Variants in BRD8 observed in about 807,000 individuals in gnomAD.
BRD8 encodes the protein bromodomain containing 8, also known as bromodomain-containing protein 8.
Under a neutral mutation model 143.1 loss-of-function variants are expected in BRD8, and 67 were observed. The ratio of observed to expected loss-of-function variants is 0.47; its 90% CI spans 0.38 to 0.57. The LOEUF is 0.57. BRD8 is among the 20% of genes least tolerant of loss of function. BRD8 has a pLI of 0.00. For missense variants in BRD8, 1,103 were observed against 1,503.0 expected (o/e 0.73, Z 4.40); for synonymous variants, 505 against 517.1 (o/e 0.98, Z 0.32).
At chr5:138,157,376 A>G (rs1028466413) in intron 20 of BRD8, 3 of 1,443,002 alleles carry the variant, frequency 2.1e-6, no homozygotes, top group Non-Finnish European at 2.9e-6. Flanking sequence ...GAAGAGAATC[A>G]GCAGAAAAAT....
intron 8 of BRD8, chr5:138,168,627 AG>A: frequency 6.2e-7 from 1 of 1,604,066 alleles, no homozygotes; most frequent in Non-Finnish European, 8.5e-7. Context: ...GCCTGGAGGA[AG>A]GGTGTCAGGA....
rs1369324301 is a variant in BRD8 at position 138,169,355 on chromosome 5, C to T, written c.509G>A (p.Arg170His). ...RKATDAAYQA[R>H]QAVKTPPRRL... ...CCGGGGGGGTGTTTTTACTGCTTGA[C>T]GAGCTAGAACATAAAAGAGAACAAT... Residue 170 changes from arginine (R) to histidine (H), a missense_variant, in exon 8 of 27, where the codon CGT (arginine) becomes CAT (histidine). Physicochemically the swap from Arg to His is conservative, Grantham distance 29 (BLOSUM62 0). Transcript: ENST00000254900. The T allele has an allele frequency of 5.6e-6, 9 of 1,612,938 alleles. No individual in the cohort carries two copies. The highest frequency in any genetic ancestry group is 3.4e-6 in the Non-Finnish European group (4 of 1,179,684).
At chr5:138,156,769 T>G (rs557894832) in intron 20 of BRD8, 23 of 909,946 alleles carry the variant, frequency 2.5e-5, no homozygotes, top group Non-Finnish European at 3.0e-5. Flanking sequence ...ACTTTTCCCC[T>G]GTAACAATCT....
chr5:138,167,977 T>C lies in BRD8; in HGVS notation c.744A>G (p.Ile248Met), dbSNP rs778063236. The change falls in exon 9 of 27, where the codon ATA (isoleucine) becomes ATG (methionine). Residue 248 changes from isoleucine to methionine, a missense_variant. Ile to Met is a conservative substitution (Grantham distance 10, BLOSUM62 1). Around this residue, in one of 7 missense-constraint regions of BRD8, gnomAD observed 334 missense variants for 372.5 expected, o/e 0.90. Coordinates refer to ENST00000254900, the MANE Select transcript of BRD8 (RefSeq NM_139199.2). Reference sequence around the variant, plus strand: ...CTGCAACAGTATTGGGTGTTTGCTGTATCTCCCCACCATGTATCATGGGAA... The same window carrying C: ...CTGCAACAGTATTGGGTGTTTGCTGCATCTCCCCACCATGTATCATGGGAA... ...GVLPMIHGGE[I>M]QQTPNTVAAS... 35 of 1,613,522 alleles carry C rather than the reference T, an allele frequency of 2.2e-5. No homozygotes were observed. The highest frequency in any genetic ancestry group is 2.7e-5 in the Non-Finnish European group (32 of 1,179,552).
intron 12 of BRD8, 129 bp downstream of exon 12, chr5:138,164,585 C>T: frequency 8.3e-7 from 1 of 1,204,012 alleles, no homozygotes; most frequent in Non-Finnish European, 1.2e-6. Flanking sequence ...TAATCACAGC[C>T]TATGGGCTTT....
intron 17 of BRD8, among the ~76,000 whole-genome samples, chr5:138,161,400 G>A (rs1469907753): frequency 2.0e-5 from 3 of 151,870 alleles, no homozygotes; most frequent in African/African-American, 2.4e-5. Flanking sequence ...CTGCAGCCTC[G>A]AACTTCCAGG....
At chr5:138,172,471 C>T (rs1280199416) in intron 2 of BRD8, among the ~76,000 whole-genome samples, 3 of 129,768 alleles carry the variant, frequency 2.3e-5, no homozygotes, top group South Asian at 2.5e-4. Flanking sequence ...CACAGTGGGC[C>T]GAGATCTCAC....
chr5:138,169,999 G>A (rs528904898), intron 7 of BRD8, among the ~76,000 whole-genome samples: 1 of 152,292 alleles, frequency 6.6e-6, no homozygotes, highest in South Asian at 2.1e-4. Flanking sequence ...AGACCTCACT[G>A]GCGCACAGCA....
chr5:138,143,017 G>C (rs1751975800), intron 25 of BRD8, among the ~76,000 whole-genome samples: 1 of 151,902 alleles, frequency 6.6e-6, no homozygotes, highest in Non-Finnish European at 1.5e-5. Context: ...AGGCACAGTG[G>C]CTCACACCTG....
In BRD8 at chr5:138,145,793, G is replaced by A. The variant is rs1042028077; in HGVS notation, c.3364C>T (p.His1122Tyr). 1.9e-5 allele frequency: 31 copies of A among 1,613,526 alleles called. No individual in the cohort carries two copies. The highest frequency in any genetic ancestry group is 2.7e-5 in the African/African-American group (2 of 74,924). The change falls in exon 24 of 27, where the codon CAC (histidine) becomes TAC (tyrosine). Residue 1122 changes from histidine (H) to tyrosine (Y), a missense_variant. This residue lies in a region of BRD8 where 369 missense variants were observed against 445.5 expected (regional missense o/e 0.83). Coordinates refer to ENST00000254900, the MANE Select transcript of BRD8 (RefSeq NM_139199.2). The part of the protein sequence containing the change: ...LLPVWKMIAS[H>Y]RFSSPFLKPV... ...ATTACCACTTTGGAGACCTACCTGT[G>A]ACTGGCAATCATCTTCCAGACTGGC...
chr5:138,149,585 T>C, intron 23 of BRD8, 55 bp downstream of exon 23: 1 of 1,390,430 alleles, frequency 7.2e-7, no homozygotes, highest in Non-Finnish European at 9.5e-7. Flanking sequence ...ATGATTCAAA[T>C]AGGCATAAAC....
Position 138,147,430 on chromosome 5 carries a change from GA to G in BRD8, c.3279-1553del, listed in dbSNP as rs537682154. On this transcript the variant is annotated intron_variant, in intron 23 of 26. Transcript: ENST00000254900. ...CTGGGTGGATCTGGGATATACTGAAGAAAAAAAAAACAGTTCATACTATATT... is the reference window on the plus strand; with the variant it reads ...CTGGGTGGATCTGGGATATACTGAAGAAAAAAAAACAGTTCATACTATATT... 6.2e-5 allele frequency among the ~76,000 whole-genome samples: 9 copies of G among 144,212 alleles called. No homozygotes were observed. In the East Asian group the frequency reaches 8.0e-4, roughly 13 times the overall value. The allele number at this position is 144,212 out of a possible 152,430, so 94.6% of individuals were successfully genotyped here.
intron 6 of BRD8, 95 bp from the exon 7 acceptor site, chr5:138,170,504 C>T (rs1286507928): frequency 7.3e-7 from 1 of 1,363,288 alleles, no homozygotes; most frequent in South Asian, 1.2e-5. Context: ...GCCAGGCCAG[C>T]ACTTTCTGGA....
At chr5:138,158,946 T>C (rs79945417) in intron 20 of BRD8, among the ~76,000 whole-genome samples, 1 of 151,626 alleles carries the variant, frequency 6.6e-6, no homozygotes, top group Non-Finnish European at 1.5e-5. Context: ...TAGGGTTTTT[T>C]GTTGTTGTTG....
intron 12 of BRD8, 140 bp from the exon 13 acceptor site, chr5:138,164,553 C>T (rs960488947): frequency 1.6e-5 from 18 of 1,120,684 alleles, no homozygotes; most frequent in Non-Finnish European, 2.3e-5. Flanking sequence ...GTCACCTTAA[C>T]AGGAATAAGT....
chr5:138,147,688 G>A (rs1752208754), intron 23 of BRD8, among the ~76,000 whole-genome samples: 1 of 152,142 alleles, frequency 6.6e-6, no homozygotes, highest in Admixed American at 6.5e-5. Context: ...TATAATCCCA[G>A]GACTTTGGGA....
chr5:138,173,567 AAC>A (rs1227346294), intron 2 of BRD8, among the ~76,000 whole-genome samples: 1 of 152,112 alleles, frequency 6.6e-6, no homozygotes, highest in Admixed American at 6.6e-5. Context: ...ACACATACAA[AAC>A]ACACATTGTT....
chr5:138,173,355 G>T (rs1223726365), intron 2 of BRD8, among the ~76,000 whole-genome samples: 2 of 150,758 alleles, frequency 1.3e-5, no homozygotes, highest in Non-Finnish European at 2.9e-5. Flanking sequence ...CCGAGATCGT[G>T]CCACTGCATT....
rs777266119 is a variant in BRD8 at position 138,149,678 on chromosome 5, C to T, written c.3240G>A (p.Leu1080=). The change falls in exon 23 of 27, where the codon TTG becomes TTA. Residue 1080 remains leucine, a synonymous_variant. Coordinates refer to ENST00000254900, the MANE Select transcript of BRD8 (RefSeq NM_139199.2). ...TAGCATGGCTGAAAAGTGTATCCACCAAGGGAGTCTCCTTAATGTTAAAGG... is the reference window on the plus strand; with the variant it reads ...TAGCATGGCTGAAAAGTGTATCCACTAAGGGAGTCTCCTTAATGTTAAAGG... ...DDAFNIKETP[L]VDTLFSHATS... is the part of the protein sequence containing the mutation. The T allele has an allele frequency of 6.2e-7, 1 of 1,612,552 alleles. No individual in the cohort carries two copies. Among genetic ancestry groups the T allele is most frequent in the East Asian group, 2.2e-5 (1 of 44,788 alleles).
Sources: allele counts gnomAD v4.1 joint callset (sites outside exome capture counted in the v4.1 genomes callset), GRCh38; gene constraint gnomAD v4.1.1; regional missense constraint gnomAD v4.1.1; transcripts MANE v1.5; gene names NCBI Gene and HGNC (gene_info 2026-07-23, HGNC 2026-07-21).